Variants in NKAIN3 observed in about 807,000 individuals in gnomAD.
The protein encoded by NKAIN3 is sodium/potassium transporting ATPase interacting 3, also known as sodium/potassium-transporting ATPase subunit beta-1-interacting protein 3.
NKAIN3 carries 25 observed loss-of-function variants against 30.2 expected under a neutral mutation model. The ratio of observed to expected loss-of-function variants is 0.83; its 90% CI spans 0.60 to 1.16. The LOEUF (loss-of-function observed/expected upper bound fraction) is 1.16. Among genes scored for constraint, NKAIN3 ranks in the 50% most tolerant of loss-of-function variants. NKAIN3 has a pLI of 0.00. For missense variants in NKAIN3, 225 were observed against 254.1 expected (o/e 0.89, Z 0.78); for synonymous variants, 91 against 89.6 (o/e 1.02, Z -0.09).
intron 4 of NKAIN3, among the ~76,000 whole-genome samples, chr8:62,861,564 A>G (rs553767367): frequency 2.9e-4 from 44 of 152,318 alleles, no homozygotes; most frequent in African/African-American, 9.4e-4. Context: ...AAAAGAAAAC[A>G]AAATATACTG....
At chr8:62,423,872 C>G (rs1031204522) in intron 1 of NKAIN3, among the ~76,000 whole-genome samples, 15 of 151,938 alleles carry the variant, frequency 9.9e-5, no homozygotes, top group African/African-American at 3.6e-4. Context: ...AACATTTTAT[C>G]TTGTAAAGAC....
At chr8:62,257,803 T>G (rs952128286) in intron 1 of NKAIN3, among the ~76,000 whole-genome samples, 9 of 152,182 alleles carry the variant, frequency 5.9e-5, no homozygotes, top group African/African-American at 2.2e-4. Flanking sequence ...ATACCTGTAG[T>G]TATTATTCTT....
At chr8:62,531,766 A>C (rs1485186396) in intron 1 of NKAIN3, among the ~76,000 whole-genome samples, 3 of 152,184 alleles carry the variant, frequency 2.0e-5, no homozygotes, top group Admixed American at 6.5e-5. Context: ...CTGGGCACTC[A>C]CTCAGGGAAA....
At chr8:62,635,598 G>A (rs1470127024) in intron 3 of NKAIN3, among the ~76,000 whole-genome samples, 3 of 152,092 alleles carry the variant, frequency 2.0e-5, no homozygotes, top group African/African-American at 7.2e-5. Flanking sequence ...CCTTTGGAAG[G>A]TGATCAGGAT....
intron 1 of NKAIN3, among the ~76,000 whole-genome samples, chr8:62,255,597 G>A (rs1812238665): frequency 6.6e-6 from 1 of 152,210 alleles, no homozygotes; most frequent in Non-Finnish European, 1.5e-5. Context: ...TTTTAAGGTA[G>A]AACAAACCTA....
Position 62,982,263 on chromosome 8 carries a change from A to G in NKAIN3, c.*16856A>G, listed in dbSNP as rs1165745923. ...CTTCCCCTTCATCTGTCCTGAAATT[A>G]TTAATTATTGACTTCTACTTAAATA... On this transcript the variant is annotated 3_prime_UTR_variant, in exon 7 of 7. Coordinates refer to ENST00000623646, the MANE Select transcript of NKAIN3 (RefSeq NM_001304533.3). The G allele has an allele frequency of 1.3e-5, 2 of 152,202 alleles. No homozygotes were observed. The highest frequency in any genetic ancestry group is 6.5e-5 in the Admixed American group (1 of 15,282). The allele number at this position is 152,202 out of a possible 1,614,324, so 9.4% of individuals were successfully genotyped here. A position where few individuals can be genotyped will look rare whatever the true frequency, so the allele number is the denominator to read the frequency against.
At chr8:62,295,568 C>T (rs1813797944) in intron 1 of NKAIN3, among the ~76,000 whole-genome samples, 1 of 152,050 alleles carries the variant, frequency 6.6e-6, no homozygotes, top group Admixed American at 6.6e-5. Context: ...ATTTTTGAGG[C>T]TTATTTATAT....
chr8:62,874,848 A>G (rs753837034), intron 4 of NKAIN3, among the ~76,000 whole-genome samples: 2 of 152,194 alleles, frequency 1.3e-5, no homozygotes, highest in Non-Finnish European at 2.9e-5. Context: ...TGACAGACCT[A>G]CAGCCAATAT....
intron 1 of NKAIN3, among the ~76,000 whole-genome samples, chr8:62,322,365 G>C (rs1814958745): frequency 6.6e-6 from 1 of 152,112 alleles, no homozygotes; most frequent in Non-Finnish European, 1.5e-5. Context: ...TCCCCAGTGA[G>C]ATGAACCCAG....
chr8:62,316,856 A>G lies in NKAIN3; in HGVS notation c.54+67729A>G, dbSNP rs530977638. The stretch of plus-strand genomic sequence containing the variant: ...CTAGATCCTGAGGAATCGCCACACT[A>G]ACTTCCACAATGGTTGAACTAGATT... On this transcript the variant is annotated intron_variant, in intron 1 of 6. Transcript: ENST00000623646. Among the ~76,000 whole-genome samples, 152 of 152,248 alleles carry G rather than the reference A, an allele frequency of 1.0e-3. 3 individuals are homozygous for G. In the East Asian group the frequency reaches 0.026, roughly 26 times the overall value.
intron 6 of NKAIN3, among the ~76,000 whole-genome samples, chr8:62,962,477 TA>T (rs764414376): frequency 5.9e-5 from 9 of 152,180 alleles, no homozygotes; most frequent in Non-Finnish European, 1.3e-4. Flanking sequence ...AATGAATAGG[TA>T]AAAAGAAGAA....
At chr8:62,607,913 A>G (rs527915538) in intron 3 of NKAIN3, among the ~76,000 whole-genome samples, 32 of 152,280 alleles carry the variant, frequency 2.1e-4, no homozygotes, top group African/African-American at 6.7e-4. Context: ...CAATATTTAC[A>G]TTAATTTATT....
intron 1 of NKAIN3, among the ~76,000 whole-genome samples, chr8:62,434,875 C>G (rs1004315984): frequency 1.3e-5 from 2 of 152,142 alleles, no homozygotes; most frequent in African/African-American, 4.8e-5. Flanking sequence ...AATAAGTTAA[C>G]TGACCTTTGA....
chr8:62,329,122 G>A (rs563030504), intron 1 of NKAIN3, among the ~76,000 whole-genome samples: 1 of 152,042 alleles, frequency 6.6e-6, no homozygotes, highest in East Asian at 2.0e-4. Flanking sequence ...TCTCAGCCCA[G>A]TCAAGTTTCA....
intron 3 of NKAIN3, among the ~76,000 whole-genome samples, chr8:62,663,444 TG>T (rs2130366182): frequency 6.6e-6 from 1 of 152,282 alleles, no homozygotes; most frequent in East Asian, 1.9e-4. Context: ...TAGGTTCGAT[TG>T]ACAATATAGG....
intron 4 of NKAIN3, among the ~76,000 whole-genome samples, chr8:62,813,693 A>C (rs1250997707): frequency 6.6e-6 from 1 of 151,726 alleles, no homozygotes; most frequent in African/African-American, 2.4e-5. Flanking sequence ...GGTGCTTTTC[A>C]TAGTGATAAC....
intron 1 of NKAIN3, among the ~76,000 whole-genome samples, chr8:62,394,137 A>G (rs1026447293): frequency 6.6e-6 from 1 of 152,068 alleles, no homozygotes; most frequent in Non-Finnish European, 1.5e-5. Context: ...CTTTTTCCCA[A>G]TTTCAGGAGA....
At chr8:62,583,208 A>G (rs1810359974) in intron 2 of NKAIN3, among the ~76,000 whole-genome samples, 1 of 152,138 alleles carries the variant, frequency 6.6e-6, no homozygotes, top group Non-Finnish European at 1.5e-5. Flanking sequence ...ACTAGTTCAC[A>G]GAGTCCACCC....
At position 62,964,397 on chromosome 8, in the gene NKAIN3, A is replaced by C. The variant is rs1462512066; in HGVS notation, c.604-957A>C. 5.3e-5 allele frequency among the ~76,000 whole-genome samples: 8 copies of C among 152,202 alleles called. No individual in the cohort carries two copies. In the South Asian group the frequency reaches 1.0e-3, roughly 20 times the overall value. ...AAGATGCAGAAACTGATGCCCTAACATTCCAAAGGCTTACAGCTTAGGATA... is the reference window on the plus strand; with the variant it reads ...AAGATGCAGAAACTGATGCCCTAACCTTCCAAAGGCTTACAGCTTAGGATA... On this transcript the variant is annotated intron_variant, in intron 6 of 6. Transcript: ENST00000623646.
Sources: allele counts gnomAD v4.1 joint callset (sites outside exome capture counted in the v4.1 genomes callset), GRCh38; gene constraint gnomAD v4.1.1; transcripts MANE v1.5; gene names NCBI Gene and HGNC (gene_info 2026-07-23, HGNC 2026-07-21).